HCN2: variants seen among roughly 807,000 people sequenced by gnomAD.
HCN2 encodes hyperpolarization activated cyclic nucleotide gated potassium and sodium channel 2.
Under a neutral mutation model 52.3 loss-of-function variants are expected in HCN2, and 20 were observed. The observed-to-expected ratio is 0.38, with a 90% CI of 0.27 to 0.56. HCN2 has a LOEUF of 0.56. Ranked by LOEUF, HCN2 falls within the 20% of genes least tolerant of loss-of-function variation. The pLI is 0.71. For synonymous variants in HCN2, 694 were observed against 537.0 expected, an observed-to-expected ratio of 1.29 and a Z score of -4.04; for missense variants, 981 against 1,207.7, an observed-to-expected ratio of 0.81 and a Z score of 2.78.
chr19:616,176 G>A lies in HCN2; in HGVS notation c.2372G>A (p.Arg791Gln). The change falls in exon 8 of 8, where the codon CGG becomes CAG. Residue 791 changes from arginine to glutamine, a missense_variant. Around this residue, in one of 6 missense-constraint regions of HCN2, gnomAD observed 368 missense variants for 314.8 expected, o/e 1.17. Transcript: ENST00000251287. ...GCGCCCGCCAGCCCCCGGGCACCGC[G>A]GACCTCGCCCTACGGCGGCCTGCCC... The part of the protein sequence containing the change: ...PGAPASPRAP[R>Q]TSPYGGLPAA... The A allele has an allele frequency of 5.5e-5, 53 of 955,536 alleles. No individual in the cohort carries two copies. Among genetic ancestry groups the A allele is most frequent in the Non-Finnish European group, 6.5e-5 (53 of 811,674 alleles). 59.2% of individuals were successfully genotyped at this position (955,536 alleles called of 1,614,324 possible). A position where few individuals can be genotyped will look rare whatever the true frequency, so the allele number is the denominator to read the frequency against.
rs777502115 is a variant in HCN2, at chr19:605,026, A to T, written c.1057-35A>T. ...GCTCTGAAGGTGGGGGCCGGGGGTC[A>T]GCGGGTAGGGTGGGCTCACGGCGCC... is the stretch of plus-strand genomic sequence containing the variant. On this transcript the variant is annotated intron_variant, in intron 2 of 7. Transcript: ENST00000251287. 2.5e-6 allele frequency: 4 copies of T among 1,580,446 alleles called. No homozygotes were observed. The South Asian group carries it at 4.5e-5, about 18-fold the overall frequency.
chr19:612,602 AT>A (rs1408348678), intron 5 of HCN2, among the ~76,000 whole-genome samples: 1 of 151,944 alleles, frequency 6.6e-6, no homozygotes, highest in Admixed American at 6.6e-5. Flanking sequence ...TTTAGTAGAG[AT>A]GGGGTTTCAC....
intron 1 of HCN2, among the ~76,000 whole-genome samples, chr19:599,550 C>T (rs371583598): frequency 2.0e-5 from 3 of 151,404 alleles, no homozygotes; most frequent in Admixed American, 6.6e-5. Flanking sequence ...GAGGCCAAGG[C>T]GGGCGGATCA....
rs531605023 is a variant in HCN2 at position 610,631 on chromosome 19, C to T, written c.1584+226C>T. Among the ~76,000 whole-genome samples, 44 of 152,342 alleles carry T rather than the reference C, an allele frequency of 2.9e-4. 1 individual carries two copies. In the South Asian group the frequency reaches 8.3e-3, roughly 29 times the overall value. On this transcript the variant is annotated intron_variant, in intron 5 of 7. Transcript: ENST00000251287. The stretch of plus-strand genomic sequence containing the variant: ...GCTTCCCGCTGCCCCCTTAGCAGAA[C>T]TGCCTGGGTCTGTGCCTGACAGGGC...
intron 7 of HCN2, among the ~76,000 whole-genome samples, chr19:615,316 T>C (rs993970970): frequency 1.3e-5 from 2 of 151,968 alleles, no homozygotes; most frequent in South Asian, 4.1e-4. Context: ...GAGACCATCC[T>C]GGCTAACATG....
chr19:613,501 GGGGCGCGCCT>G lies in HCN2; in HGVS notation c.1825+16_1825+25del. ...TCCTACTTCGGGGGTGAGCTTGAGGGGGGCGCGCCTGGAGGGGGAGGGGGCACGCGACCCC... is the reference window on the plus strand; with the variant it reads ...TCCTACTTCGGGGGTGAGCTTGAGGGGGAGGGGGAGGGGGCACGCGACCCC... On this transcript the variant is annotated intron_variant, in intron 6 of 7. Transcript: ENST00000251287. 1 of 1,577,126 alleles carries G rather than the reference GGGGCGCGCCT, an allele frequency of 6.3e-7. No individual in the cohort carries two copies. The highest frequency in any genetic ancestry group is 8.7e-7 in the Non-Finnish European group (1 of 1,155,136).
At chr19:597,847 A>C (rs1394662349) in intron 1 of HCN2, among the ~76,000 whole-genome samples, 1 of 150,764 alleles carries the variant, frequency 6.6e-6, no homozygotes, top group Non-Finnish European at 1.5e-5. Context: ...GGTGGTTTCT[A>C]GGTCTCCTTG....
chr19:608,882 G>A (rs760278778), intron 4 of HCN2, among the ~76,000 whole-genome samples: 13 of 152,206 alleles, frequency 8.5e-5, no homozygotes, highest in African/African-American at 2.2e-4. Flanking sequence ...GGCCTGCAGC[G>A]TCCATTGGGT....
At position 615,962 on chromosome 19, in the gene HCN2, C is replaced by T. The variant is rs1465465029; in HGVS notation, c.2158C>T (p.Pro720Ser). ...GGGCCTCTTCCCGCCGCCGCCGCCG[C>T]CGCCGCAGGTCACCTCGGCCATCGC... ...RVGLFPPPPP[P>S]PQVTSAIATL... is the part of the protein sequence containing the mutation. Residue 720 changes from proline (P) to serine (S), a missense_variant, in exon 8 of 8, where the codon CCG becomes TCG. Physicochemically the swap from Pro to Ser is moderately conservative, Grantham distance 74. Coordinates refer to ENST00000251287, the MANE Select transcript of HCN2 (RefSeq NM_001194.4). 1 of 1,598,878 alleles carries T rather than the reference C, an allele frequency of 6.3e-7. No individual in the cohort carries two copies. Among genetic ancestry groups the T allele is most frequent in the Non-Finnish European group, 8.5e-7 (1 of 1,172,926 alleles).
At chr19:608,583 T>TG (rs954395228) in intron 4 of HCN2, among the ~76,000 whole-genome samples, 8 of 107,996 alleles carry the variant, frequency 7.4e-5, no homozygotes, top group African/African-American at 2.9e-4. Context: ...GAGATGGACG[T>TG]GGGGCGGGGG....
chr19:610,198 G>A (rs1231681814), intron 4 of HCN2, 61 bp from the exon 5 acceptor site: 4 of 1,580,606 alleles, frequency 2.5e-6, no homozygotes, highest in East Asian at 2.3e-5. Flanking sequence ...ACAAGCAGGT[G>A]CCCCTGTGCC....
At chr19:603,378 T>A (rs1983282335) in intron 1 of HCN2, among the ~76,000 whole-genome samples, 166 bp from the exon 2 acceptor site, 1 of 146,322 alleles carries the variant, frequency 6.8e-6, no homozygotes, top group African/African-American at 2.6e-5. Context: ...TGGGTGCCCC[T>A]CGTCCCACAG....
In HCN2 at chr19:592,357, C is replaced by A. The variant is rs879455146; in HGVS notation, c.632+1780C>A. Among the ~76,000 whole-genome samples the A allele has an allele frequency of 6.6e-6, 1 of 152,174 alleles. No homozygotes were observed. The highest frequency in any genetic ancestry group is 2.1e-4 in the South Asian group (1 of 4,832). On this transcript the variant is annotated intron_variant, in intron 1 of 7. Transcript: ENST00000251287. This position sits in a 1 kb window ranked among gnomAD's most constrained non-coding sequence, Gnocchi z 4.8. ...GACCCCCTGGCTGCAGAGGGGCGGT[C>A]GGTGGCCTGGGGGGCAGGTGGGCAG...
At chr19:605,918 C>T (rs573223838) in intron 3 of HCN2, among the ~76,000 whole-genome samples, 12 of 152,284 alleles carry the variant, frequency 7.9e-5, no homozygotes, top group South Asian at 4.1e-4. Context: ...ACTGCAGCCC[C>T]GGCACTGGCC....
chr19:596,798 T>C (rs1983044804), intron 1 of HCN2, among the ~76,000 whole-genome samples: 1 of 151,954 alleles, frequency 6.6e-6, no homozygotes, highest in East Asian at 1.9e-4. Flanking sequence ...CCAGGTCCCC[T>C]CTCTGGGGTC....
chr19:604,974 C>T, intron 2 of HCN2, 87 bp from the exon 3 acceptor site: 1 of 1,382,670 alleles, frequency 7.2e-7, no homozygotes, highest in Non-Finnish European at 9.7e-7. Context: ...GCCAGGAGCT[C>T]CCGCAGTGGG....
Position 590,288 on chromosome 19 carries a change from G to A in HCN2, c.343G>A (p.Glu115Lys). 2 of 991,468 alleles carry A rather than the reference G, an allele frequency of 2.0e-6. No homozygotes were observed. Among genetic ancestry groups the A allele is most frequent in the Non-Finnish European group, 2.4e-6 (2 of 835,880 alleles). The allele number at this position is 991,468 out of a possible 1,614,324, so 61.4% of individuals were successfully genotyped here. A position where few individuals can be genotyped will look rare whatever the true frequency, so the allele number is the denominator to read the frequency against. The change falls in exon 1 of 8, where the codon GAG becomes AAG. Residue 115 changes from glutamate (E) to lysine (K), a missense_variant. This residue lies in a region of HCN2 where 215 missense variants were observed against 179.4 expected (regional missense o/e 1.20). Coordinates refer to ENST00000251287, the MANE Select transcript of HCN2 (RefSeq NM_001194.4). This position sits in a 1 kb window ranked among gnomAD's most constrained non-coding sequence, Gnocchi z 7.2. Reference sequence around the variant, plus strand: ...GCCGCAGTGCAGCCCCGCGGGGCCCGAGGGCCCGGCGCGGGGGCCCAAGGT... The same window carrying A: ...GCCGCAGTGCAGCCCCGCGGGGCCCAAGGGCCCGGCGCGGGGGCCCAAGGT... ...GEPQCSPAGP[E>K]GPARGPKVSF... is the part of the protein sequence containing the mutation.
In HCN2 at chr19:593,589, C is replaced by G. The variant is rs114376694; in HGVS notation, c.632+3012C>G. Among the ~76,000 whole-genome samples, 578 of 152,258 alleles carry G rather than the reference C, an allele frequency of 3.8e-3. 3 individuals are homozygous for G. The highest frequency in any genetic ancestry group is 0.013 in the African/African-American group (534 of 41,522). ...GAGCCGAGATCGCGCTGCTGCACTC[C>G]AGCCTGGCTGACAGAGTGGGACTTG... is the stretch of plus-strand genomic sequence containing the variant. On this transcript the variant is annotated intron_variant, in intron 1 of 7. Transcript: ENST00000251287.
At chr19:614,997 G>A (rs1351469809) in intron 7 of HCN2, among the ~76,000 whole-genome samples, 1 of 152,150 alleles carries the variant, frequency 6.6e-6, no homozygotes, top group East Asian at 1.9e-4. Context: ...TCCACAACTT[G>A]CTCTATACAG....
Sources: gnomAD v4.1 joint callset for allele counts (sites outside exome capture counted in the v4.1 genomes callset) on GRCh38, gnomAD v4.1.1 for gene constraint, gnomAD v4.1.1 regional missense constraint, Gnocchi (gnomAD v3.1) non-coding constraint, MANE v1.5 for transcripts, NCBI Gene and HGNC (gene_info 2026-07-23, HGNC 2026-07-21) for gene names.